SLC24A3: variants seen among roughly 807,000 people sequenced by gnomAD.
SLC24A3 encodes the protein sodium/potassium/calcium exchanger 3.
In SLC24A3, 28 loss-of-function variants were observed where a neutral mutation model predicts 75.8. The ratio of observed to expected loss-of-function variants is 0.37; its 90% CI spans 0.27 to 0.51. The LOEUF (loss-of-function observed/expected upper bound fraction) is 0.51. Ranked by LOEUF, SLC24A3 falls within the 20% of genes least tolerant of loss-of-function variation. The pLI is 0.94. For synonymous variants in SLC24A3, 372 were observed against 334.1 expected, an observed-to-expected ratio of 1.11 and a Z score of -1.24; for missense variants, 663 against 847.8, an observed-to-expected ratio of 0.78 and a Z score of 2.71.
At chr20:19,333,622 A>AGTGTGT (rs11471787) in intron 2 of SLC24A3, among the ~76,000 whole-genome samples, 22 of 149,774 alleles carry the variant, frequency 1.5e-4, no homozygotes, top group Admixed American at 5.3e-4. Context: ...CAGTCTTGCT[A>AGTGTGT]GTGTGTGTGT....
chr20:19,573,622 C>T (rs548342583), intron 3 of SLC24A3, among the ~76,000 whole-genome samples: 1 of 152,186 alleles, frequency 6.6e-6, no homozygotes, highest in Non-Finnish European at 1.5e-5. Flanking sequence ...GCATGGTGTC[C>T]TCAGGGCCCT....
At chr20:19,545,075 A>G (rs544631460) in intron 3 of SLC24A3, among the ~76,000 whole-genome samples, 1 of 152,356 alleles carries the variant, frequency 6.6e-6, no homozygotes, top group African/African-American at 2.4e-5. Flanking sequence ...GGGTTTAAAA[A>G]CAATGCAGCT....
chr20:19,323,601 A>G (rs551981698), intron 2 of SLC24A3, among the ~76,000 whole-genome samples: 1 of 152,288 alleles, frequency 6.6e-6, no homozygotes, highest in Admixed American at 6.5e-5. Flanking sequence ...GCTGCAGGGA[A>G]GTCCTCACTG....
chr20:19,226,887 T>A (rs372530904), intron 1 of SLC24A3, among the ~76,000 whole-genome samples: 1 of 152,220 alleles, frequency 6.6e-6, no homozygotes, highest in South Asian at 2.1e-4. Flanking sequence ...TTATTCAGGG[T>A]TCCATTTGAG....
At chr20:19,623,209 G>A (rs2031826617) in intron 6 of SLC24A3, among the ~76,000 whole-genome samples, 2 of 152,272 alleles carry the variant, frequency 1.3e-5, no homozygotes, top group South Asian at 4.1e-4. Context: ...TGAACAAGTG[G>A]CTCCCATGGG....
chr20:19,360,976 G>A (rs1201540707), intron 2 of SLC24A3, among the ~76,000 whole-genome samples: 5 of 152,180 alleles, frequency 3.3e-5, no homozygotes, highest in Admixed American at 1.3e-4. Flanking sequence ...ACAGGTGCCC[G>A]CCACCATGCC....
intron 2 of SLC24A3, among the ~76,000 whole-genome samples, chr20:19,494,610 T>G (rs1413724331): frequency 1.3e-5 from 2 of 152,172 alleles, no homozygotes; most frequent in Admixed American, 6.5e-5. Flanking sequence ...TTTTGGTGTC[T>G]AATTCAAATT....
chr20:19,576,440 A>C (rs1284721683), intron 3 of SLC24A3, among the ~76,000 whole-genome samples: 3 of 152,178 alleles, frequency 2.0e-5, no homozygotes, highest in African/African-American at 7.2e-5. Context: ...AGAGAGACTT[A>C]GAGCAGAGTG....
chr20:19,406,680 A>T (rs1279969122), intron 2 of SLC24A3, among the ~76,000 whole-genome samples: 1 of 152,176 alleles, frequency 6.6e-6, no homozygotes, highest in Non-Finnish European at 1.5e-5. Context: ...GGTAGCACAG[A>T]GGGGGAAATC....
At chr20:19,248,280 G>T (rs115466442) in intron 1 of SLC24A3, among the ~76,000 whole-genome samples, 1 of 152,094 alleles carries the variant, frequency 6.6e-6, no homozygotes, top group African/African-American at 2.4e-5. Flanking sequence ...TGTGTGCCCC[G>T]CATCCCGTTC....
At chr20:19,623,633 G>C (rs918755231) in intron 6 of SLC24A3, among the ~76,000 whole-genome samples, 1 of 152,090 alleles carries the variant, frequency 6.6e-6, no homozygotes, top group South Asian at 2.1e-4. Context: ...TATTTCAAGT[G>C]CTCAATAACC....
chr20:19,546,158 CAAAAAAAAAAA>C (rs367781560), intron 3 of SLC24A3, among the ~76,000 whole-genome samples: 22 of 46,750 alleles, frequency 4.7e-4, no homozygotes, highest in South Asian at 1.4e-3. Flanking sequence ...GACTCCGTCT[CAAAAAAAAAAA>C]AAAAAAAAAA....
chr20:19,649,203 C>T lies in SLC24A3; in HGVS notation c.613-4859C>T, dbSNP rs74514067. ...ATGCAGAGATGCTAACACGCCCCCT[C>T]TGCCAGGAAATGTGTTCAGGGCTGA... On this transcript the variant is annotated intron_variant, in intron 6 of 16. Coordinates refer to ENST00000328041, the MANE Select transcript of SLC24A3 (RefSeq NM_020689.4). Among the ~76,000 whole-genome samples, 1,129 of 152,342 alleles carry T rather than the reference C, an allele frequency of 7.4e-3. 11 individuals are homozygous for T. Among genetic ancestry groups the T allele is most frequent in the African/African-American group, 0.026 (1,082 of 41,572 alleles).
chr20:19,615,089 G>A (rs1259394648), intron 6 of SLC24A3, among the ~76,000 whole-genome samples: 3 of 152,178 alleles, frequency 2.0e-5, no homozygotes, highest in African/African-American at 7.2e-5. Flanking sequence ...CCACCAAGTG[G>A]TTTGATTCCT....
intron 2 of SLC24A3, among the ~76,000 whole-genome samples, chr20:19,364,689 AAGCTATCCT>A (rs1034526987): frequency 5.9e-5 from 9 of 152,092 alleles, no homozygotes; most frequent in African/African-American, 1.9e-4. Flanking sequence ...TCCTGGACTC[AAGCTATCCT>A]CCTGCCTTGG....
chr20:19,237,880 G>C (rs1300224657), intron 1 of SLC24A3, among the ~76,000 whole-genome samples: 3 of 152,176 alleles, frequency 2.0e-5, no homozygotes, highest in South Asian at 4.1e-4. Context: ...CACGTCTGTC[G>C]GTTTTACTTT....
At chr20:19,498,251 A>G (rs1988326213) in intron 2 of SLC24A3, among the ~76,000 whole-genome samples, 2 of 152,230 alleles carry the variant, frequency 1.3e-5, no homozygotes, top group South Asian at 4.1e-4. Context: ...ATTATATATT[A>G]CAAAGTAATA....
intron 1 of SLC24A3, among the ~76,000 whole-genome samples, chr20:19,241,699 C>T (rs992617735): frequency 2.0e-5 from 3 of 152,198 alleles, no homozygotes; most frequent in Non-Finnish European, 4.4e-5. Flanking sequence ...GGACAGATAA[C>T]GGTGTCTTCG....
At chr20:19,449,389 T>C (rs963795707) in intron 2 of SLC24A3, among the ~76,000 whole-genome samples, 3 of 152,246 alleles carry the variant, frequency 2.0e-5, no homozygotes, top group Non-Finnish European at 4.4e-5. Flanking sequence ...AGGGTCTTCC[T>C]GCCCCACGTG....
Sources: allele counts gnomAD v4.1 joint callset (sites outside exome capture counted in the v4.1 genomes callset), GRCh38; gene constraint gnomAD v4.1.1; transcripts MANE v1.5; gene names NCBI Gene and HGNC (gene_info 2026-07-23, HGNC 2026-07-21).